The following SNRNP35 variants were observed in gnomAD, a reference collection of about 807,000 sequenced individuals.
SNRNP35 encodes the protein small nuclear ribonucleoprotein U11/U12 subunit 35, also known as U11/U12 small nuclear ribonucleoprotein 35 kDa protein.
In SNRNP35, 16 loss-of-function variants were observed where a neutral mutation model predicts 24.3. The observed-to-expected ratio is 0.66, with a 90% confidence interval of 0.45 to 1.00. The LOEUF (loss-of-function observed/expected upper bound fraction) is 1.00, where lower values mean the gene tolerates loss of function less well. SNRNP35 is among the 50% of genes least tolerant of loss of function. The probability of loss-of-function intolerance (pLI) is 0.00; values close to 1 mark genes in which losing one functional copy is unlikely to be tolerated. For missense variants in SNRNP35, 292 were observed against 327.2 expected, an observed-to-expected ratio of 0.89 and a Z score of 0.83; for synonymous variants, 106 against 124.8, an observed-to-expected ratio of 0.85 and a Z score of 1.00.
chr12:123,463,559 G>A (rs28781570), intron 1 of SNRNP35, among the ~76,000 whole-genome samples: 23,610 of 150,876 alleles, frequency 0.16, 1,967 homozygotes, highest in Non-Finnish European at 0.18. Flanking sequence ...TGTATTTTTA[G>A]TAGAGACGGG....
At chr12:123,472,750 A>G (rs1881280813) in exon 2 of SNRNP35, 13 of 1,530,866 alleles carry the variant, frequency 8.5e-6, no homozygotes, top group Non-Finnish European at 5.3e-6. Flanking sequence ...GTTTTTTGCA[A>G]TGCCGGAGAC....
chr12:123,461,603 T>G (rs948114898), intron 1 of SNRNP35, among the ~76,000 whole-genome samples: 3 of 152,094 alleles, frequency 2.0e-5, no homozygotes, highest in Non-Finnish European at 4.4e-5. Context: ...GCAAAGTTGC[T>G]TGTTGATGAT....
At chr12:123,464,947 T>C (rs1880861133) in intron 1 of SNRNP35, 1 of 152,222 alleles carries the variant, frequency 6.6e-6, no homozygotes, top group Non-Finnish European at 1.5e-5. Context: ...AGTAAAAAAA[T>C]TTCCACACGA....
rs367767356 is a variant in SNRNP35, at chr12:123,466,059, C to T, written c.519C>T (p.Asn173=). The change falls in exon 2 of 2, where the codon AAC becomes AAT. Residue 173 remains asparagine, a synonymous_variant. Transcript: ENST00000526639. The part of the protein sequence containing the change: ...RKPINLPVVK[N]DLYREGKRER... The stretch of plus-strand genomic sequence containing the variant: ...CTATTAACTTGCCAGTTGTTAAAAA[C>T]GACCTCTATAGAGAGGGAAAACGGG... 5.6e-6 allele frequency: 9 copies of T among 1,614,046 alleles called. No homozygotes were observed. The highest frequency in any genetic ancestry group is 7.6e-6 in the Non-Finnish European group (9 of 1,180,028).
chr12:123,471,446 A>C (rs1307809460), downstream of SNRNP35: 1 of 152,204 alleles, frequency 6.6e-6, no homozygotes, highest in Non-Finnish European at 1.5e-5. Flanking sequence ...TGCTGGTAGG[A>C]GGTGCTACCT....
At position 123,472,440 on chromosome 12, in the gene SNRNP35, C is replaced by T. The variant is rs897479716; in HGVS notation, n.1447C>T. On this transcript the variant is annotated non_coding_transcript_exon_variant, in exon 2 of 2. Coordinates refer to the SNRNP35 transcript ENST00000527158. ...GGGGTCAGTTTTCAGGGTGCATCTG[C>T]ACCGAGAGGCTTGAGGCAGCAATGA... The T allele has an allele frequency of 4.8e-5, 65 of 1,360,024 alleles. No homozygotes were observed. The Middle Eastern group carries it at 7.7e-4, about 16-fold the overall frequency. The allele number at this position is 1,360,024 out of a possible 1,614,324, so 84.2% of individuals were successfully genotyped here. A position where few individuals can be genotyped will look rare whatever the true frequency, so the allele number is the denominator to read the frequency against.
At chr12:123,462,713 A>G (rs930663238) in intron 1 of SNRNP35, among the ~76,000 whole-genome samples, 2 of 150,550 alleles carry the variant, frequency 1.3e-5, no homozygotes, top group African/African-American at 4.9e-5. Context: ...CTGGTCTTGA[A>G]CTCCTGACCT....
chr12:123,459,946 A>G, intron 1 of SNRNP35: 8 of 1,248,520 alleles, frequency 6.4e-6, no homozygotes, highest in Non-Finnish European at 9.3e-6. Context: ...AACAAAATCC[A>G]TGCTTATCCG....
intron 1 of SNRNP35, chr12:123,459,824 T>C: frequency 6.4e-7 from 1 of 1,569,886 alleles, no homozygotes; most frequent in East Asian, 2.3e-5. Flanking sequence ...AAAGAGATTG[T>C]TGTAGGAAAT....
At chr12:123,462,640 C>T (rs1237751897) in intron 1 of SNRNP35, among the ~76,000 whole-genome samples, 1 of 151,856 alleles carries the variant, frequency 6.6e-6, no homozygotes, top group African/African-American at 2.4e-5. Flanking sequence ...AGGGTGTGCA[C>T]CACCTTGCCC....
Position 123,465,723 on chromosome 12 carries a change from G to T in SNRNP35, c.183G>T (p.Gln61His), listed in dbSNP as rs1566105156. The T allele has an allele frequency of 1.2e-6, 2 of 1,613,830 alleles. No homozygotes were observed. Among genetic ancestry groups the T allele is most frequent in the Admixed American group, 3.3e-5 (2 of 59,954 alleles). ...TGTTTGTGGCCAGACTAAACTTGCAGACCAAGGAGGACAAATTAAAGGAAG... is the reference window on the plus strand; with the variant it reads ...TGTTTGTGGCCAGACTAAACTTGCATACCAAGGAGGACAAATTAAAGGAAG... ...LTLFVARLNLQTKEDKLKEVF... is the reference protein window; with the variant it reads ...LTLFVARLNLHTKEDKLKEVF... Residue 61 changes from glutamine to histidine, a missense_variant, in exon 2 of 2, where the codon CAG becomes CAT. By Grantham distance (24) the Gln-to-His change is conservative (BLOSUM62 0). Transcript: ENST00000526639. This position sits in a 1 kb window ranked among gnomAD's most constrained non-coding sequence, Gnocchi z 4.2.
chr12:123,472,704 CAG>C lies in SNRNP35; in HGVS notation n.1713_1714del, dbSNP rs762609085. 3.2e-6 allele frequency: 5 copies of C among 1,586,640 alleles called. No homozygotes were observed. The African/African-American group carries it at 5.4e-5, about 17-fold the overall frequency. On this transcript the variant is annotated non_coding_transcript_exon_variant, in exon 2 of 2. Coordinates refer to the SNRNP35 transcript ENST00000527158. The stretch of plus-strand genomic sequence containing the variant: ...AAACCTTTGGAAGGGAAAGCAAACA[CAG>C]AAATGAGAGCTGACCCTTTGCTGTG...
At chr12:123,460,553 C>A (rs1462128148) in intron 1 of SNRNP35, among the ~76,000 whole-genome samples, 1 of 146,712 alleles carries the variant, frequency 6.8e-6, no homozygotes, top group African/African-American at 2.5e-5. Context: ...ATAGCTCATG[C>A]CCAGGAGTTC....
chr12:123,467,826 C>T (rs1297284635), downstream of SNRNP35, among the ~76,000 whole-genome samples: 1 of 152,094 alleles, frequency 6.6e-6, no homozygotes, highest in African/African-American at 2.4e-5. Flanking sequence ...TATTATTTCC[C>T]AAGTCTCAGA....
At chr12:123,467,600 G>A (rs1350794615), downstream of SNRNP35, among the ~76,000 whole-genome samples, 2 of 152,164 alleles carry the variant, frequency 1.3e-5, no homozygotes, top group Non-Finnish European at 2.9e-5. Flanking sequence ...TTTGATAAAT[G>A]GCCGTCTTTG....
At chr12:123,459,857 G>C in intron 1 of SNRNP35, 1 of 1,595,098 alleles carries the variant, frequency 6.3e-7, no homozygotes, top group Non-Finnish European at 8.5e-7. Context: ...CTGCCGGGGA[G>C]GAAGTGCACC....
intron 1 of SNRNP35, among the ~76,000 whole-genome samples, chr12:123,462,578 C>T (rs1319159754): frequency 6.7e-6 from 1 of 149,768 alleles, no homozygotes; most frequent in Non-Finnish European, 1.5e-5. Flanking sequence ...ATGTTCTCGG[C>T]TCACTGCAAC....
At chr12:123,464,198 G>T (rs1305675797) in intron 1 of SNRNP35, among the ~76,000 whole-genome samples, 1 of 150,716 alleles carries the variant, frequency 6.6e-6, no homozygotes, top group Non-Finnish European at 1.5e-5. Context: ...CTCCTAAAGT[G>T]CTGGGATTAT....
Position 123,465,428 on chromosome 12 carries a change from T to G in SNRNP35, c.-3-110T>G. The G allele has an allele frequency of 1.5e-6, 2 of 1,323,752 alleles. No homozygotes were observed. Among genetic ancestry groups the G allele is most frequent in the Non-Finnish European group, 2.0e-6 (2 of 995,904 alleles). 82.0% of individuals were successfully genotyped at this position (1,323,752 alleles called of 1,614,324 possible). ...CTCTGTGGGTGTTCCCTTCCTTTCC[T>G]GTTTTTAAGAAGAGGTGAATGATAG... On this transcript the variant is annotated intron_variant, in intron 1 of 1. Coordinates refer to ENST00000526639, the MANE Select transcript of SNRNP35 (RefSeq NM_022717.4). This position sits in a 1 kb window ranked among gnomAD's most constrained non-coding sequence, Gnocchi z 4.2.
Sources: gnomAD v4.1 joint callset for allele counts (sites outside exome capture counted in the v4.1 genomes callset) on GRCh38, gnomAD v4.1.1 for gene constraint, Gnocchi (gnomAD v3.1) non-coding constraint, MANE v1.5 for transcripts, NCBI Gene and HGNC (gene_info 2026-07-23, HGNC 2026-07-21) for gene names.